SLC4A10: variants seen among roughly 807,000 people sequenced by gnomAD.
SLC4A10 encodes sodium-driven chloride bicarbonate exchanger.
SLC4A10 carries 42 observed loss-of-function variants against 137.7 expected under a neutral mutation model. The ratio of observed to expected loss-of-function variants is 0.30; its 90% CI spans 0.24 to 0.39. The LOEUF (loss-of-function observed/expected upper bound fraction) is 0.39. Ranked by LOEUF, SLC4A10 falls within the 10% of genes least tolerant of loss-of-function variation. The probability of loss-of-function intolerance (pLI) is 1.00; values close to 1 mark genes in which losing one functional copy is unlikely to be tolerated. For synonymous variants in SLC4A10, 474 were observed against 464.1 expected, an observed-to-expected ratio of 1.02 and a Z score of -0.27; for missense variants, 925 against 1,355.0, an observed-to-expected ratio of 0.68 and a Z score of 4.98.
intron 4 of SLC4A10, among the ~76,000 whole-genome samples, chr2:161,840,612 A>G (rs185986459): frequency 1.2e-3 from 185 of 152,328 alleles, no homozygotes; most frequent in African/African-American, 4.3e-3. Context: ...ATGGCACAAC[A>G]ACAAAAATCT....
At chr2:161,759,992 G>A (rs2050083516) in intron 1 of SLC4A10, among the ~76,000 whole-genome samples, 1 of 151,794 alleles carries the variant, frequency 6.6e-6, no homozygotes, top group Admixed American at 6.6e-5. Flanking sequence ...TTTCTTTGTA[G>A]GTGGCTTTTT....
At chr2:161,859,612 T>G (rs1247855584) in intron 5 of SLC4A10, among the ~76,000 whole-genome samples, 1 of 133,108 alleles carries the variant, frequency 7.5e-6, no homozygotes, top group Admixed American at 7.4e-5. Context: ...TTTTTTTTTT[T>G]TTTTTTGAGG....
rs770704286 is a variant in SLC4A10 at position 161,767,094 on chromosome 2, CATATATATATATATATATATATATAT to C, written c.49-3858_49-3833del. 4.5e-3 allele frequency among the ~76,000 whole-genome samples: 180 copies of C among 40,158 alleles called. 1 individual carries two copies. The highest frequency in any genetic ancestry group is 0.012 in the African/African-American group (168 of 13,978). 26.3% of individuals were successfully genotyped at this position (40,158 alleles called of 152,430 possible). On this transcript the variant is annotated intron_variant, in intron 1 of 26. Coordinates refer to ENST00000446997, the MANE Select transcript of SLC4A10 (RefSeq NM_001178015.2). Reference sequence around the variant, plus strand: ...AAGGTTATGTTAAAGAATTAAGAAGCATATATATATATATATATATATATATATATATATATATATATATATGTGTG... The same window carrying C: ...AAGGTTATGTTAAAGAATTAAGAAGCATATATATATATATATATATGTGTG...
At chr2:161,722,192 A>G (rs368828772) in intron 1 of SLC4A10, among the ~76,000 whole-genome samples, 1 of 152,138 alleles carries the variant, frequency 6.6e-6, no homozygotes, top group Non-Finnish European at 1.5e-5. Flanking sequence ...CAGTTCATCC[A>G]TCTCACCCTC....
At chr2:161,912,469 C>A (rs1323955505) in intron 15 of SLC4A10, among the ~76,000 whole-genome samples, 3 of 152,036 alleles carry the variant, frequency 2.0e-5, no homozygotes, top group Admixed American at 2.0e-4. Flanking sequence ...AGGATATATT[C>A]TGAAATATTT....
At chr2:161,853,722 G>A (rs1244948926) in intron 4 of SLC4A10, among the ~76,000 whole-genome samples, 4 of 152,166 alleles carry the variant, frequency 2.6e-5, no homozygotes, top group African/African-American at 9.6e-5. Context: ...TGGCTTAAAT[G>A]TAAGTTTTTT....
At chr2:161,882,517 A>G (rs2061878595) in intron 10 of SLC4A10, 73 bp downstream of exon 10, 2 of 883,082 alleles carry the variant, frequency 2.3e-6, no homozygotes, top group East Asian at 5.7e-5. Context: ...TCCTCTTTTC[A>G]TGACAGTTTG....
At chr2:161,979,548 G>A (rs1699911588) in intron 26 of SLC4A10, among the ~76,000 whole-genome samples, 1 of 152,230 alleles carries the variant, frequency 6.6e-6, no homozygotes, top group Admixed American at 6.5e-5. Context: ...TTGGTTGGTA[G>A]TTAATCTCTT....
intron 8 of SLC4A10, among the ~76,000 whole-genome samples, chr2:161,878,825 T>G (rs1450911902): frequency 2.0e-5 from 3 of 152,116 alleles, no homozygotes; most frequent in East Asian, 3.8e-4. Context: ...TAAAGAATAG[T>G]TATTTAACTG....
intron 3 of SLC4A10, among the ~76,000 whole-genome samples, chr2:161,835,889 G>A (rs1200468398): frequency 6.6e-6 from 1 of 152,164 alleles, no homozygotes; most frequent in East Asian, 1.9e-4. Flanking sequence ...CAGTTTGTTG[G>A]GTTCAGCAGC....
Position 161,964,230 on chromosome 2 carries a change from C to T in SLC4A10, c.2958C>T (p.Phe986=). 6.2e-7 allele frequency: 1 copy of T among 1,613,612 alleles called. No individual in the cohort carries two copies. Among genetic ancestry groups the T allele is most frequent in the East Asian group, 2.2e-5 (1 of 44,860 alleles). ...TACCGCTTCGAAAAGTGCATCTCTT[C>T]ACAATTATTCAGATGAGTTGCCTTG... ...RHVPLRKVHL[F]TIIQMSCLGL... is the part of the protein sequence containing the mutation. The change falls in exon 22 of 27, where the codon TTC becomes TTT. Residue 986 remains phenylalanine, a synonymous_variant. Transcript: ENST00000446997.
At chr2:161,708,891 T>A in intron 1 of SLC4A10, 1 of 1,465,050 alleles carries the variant, frequency 6.8e-7, no homozygotes, top group Non-Finnish European at 9.0e-7. Flanking sequence ...TTTCTAGTTC[T>A]TACTCATTGA....
rs191530024 is a variant in SLC4A10 at position 161,983,558 on chromosome 2, T to G, written c.*406T>G. On this transcript the variant is annotated 3_prime_UTR_variant, in exon 27 of 27. Transcript: ENST00000446997. ...AGAGATAAGTCATATTTACCTAGTTTGTATTTTCCTACTTTAGTGACCTGA... is the reference window on the plus strand; with the variant it reads ...AGAGATAAGTCATATTTACCTAGTTGGTATTTTCCTACTTTAGTGACCTGA... The G allele has an allele frequency of 2.9e-4, 65 of 223,040 alleles. No homozygotes were observed. The highest frequency in any genetic ancestry group is 1.5e-3 in the Middle Eastern group (1 of 686). 13.8% of individuals were successfully genotyped at this position (223,040 alleles called of 1,614,324 possible).
At chr2:161,963,213 C>T (rs1697020867) in intron 21 of SLC4A10, among the ~76,000 whole-genome samples, 1 of 151,108 alleles carries the variant, frequency 6.6e-6, no homozygotes. Flanking sequence ...TTATAAAATT[C>T]AAAAAAAGAA....
intron 15 of SLC4A10, among the ~76,000 whole-genome samples, chr2:161,910,360 A>G (rs551297408): frequency 6.6e-6 from 1 of 152,306 alleles, no homozygotes; most frequent in Admixed American, 6.5e-5. Flanking sequence ...TTTTGAGAAT[A>G]CATACATTGC....
rs2061192705 is a variant in SLC4A10 at position 161,872,499 on chromosome 2, G to A, written c.858+115G>A. The A allele has an allele frequency of 6.0e-6, 4 of 666,066 alleles. 1 individual carries two copies. The Admixed American group carries it at 1.0e-4, about 17-fold the overall frequency. 41.3% of individuals were successfully genotyped at this position (666,066 alleles called of 1,614,324 possible). ...CATGCGCTTTTTGTTTCTTGTCAAA[G>A]CTTGATATTGTTACAGAAAATGTTA... On this transcript the variant is annotated intron_variant, in intron 7 of 26. Coordinates refer to ENST00000446997, the MANE Select transcript of SLC4A10 (RefSeq NM_001178015.2).
At chr2:161,977,643 T>A (rs886906745) in intron 25 of SLC4A10, 79 bp from the exon 26 acceptor site, 2 of 1,227,122 alleles carry the variant, frequency 1.6e-6, no homozygotes, top group Non-Finnish European at 2.3e-6. Flanking sequence ...GTGTTTACTA[T>A]AATTATAAAG....
intron 1 of SLC4A10, among the ~76,000 whole-genome samples, chr2:161,653,226 A>G (rs1167978937): frequency 6.6e-6 from 1 of 152,128 alleles, no homozygotes; most frequent in Non-Finnish European, 1.5e-5. Flanking sequence ...TATATGTGCC[A>G]TATTTTCTTT....
At chr2:161,719,045 C>A (rs1343345561) in intron 1 of SLC4A10, among the ~76,000 whole-genome samples, 3 of 152,056 alleles carry the variant, frequency 2.0e-5, no homozygotes, top group African/African-American at 7.2e-5. Flanking sequence ...TAATGCTATC[C>A]TTCCCCCCTC....
Sources: gnomAD v4.1 joint callset for allele counts (sites outside exome capture counted in the v4.1 genomes callset) on GRCh38, gnomAD v4.1.1 for gene constraint, MANE v1.5 for transcripts, NCBI Gene and HGNC (gene_info 2026-07-23, HGNC 2026-07-21) for gene names.